The following COL23A1 variants were observed in gnomAD, a reference collection of about 807,000 sequenced individuals.
COL23A1 encodes the protein collagen alpha-1(XXIII) chain.
Under a neutral mutation model 99.3 loss-of-function variants are expected in COL23A1, and 97 were observed. The observed-to-expected ratio is 0.98, with a 90% confidence interval of 0.83 to 1.16. The LOEUF (loss-of-function observed/expected upper bound fraction) is 1.16, where lower values mean the gene tolerates loss of function less well. Among genes scored for constraint, COL23A1 ranks in the 50% most tolerant of loss-of-function variants. The pLI is 0.00. For synonymous variants in COL23A1, 320 were observed against 308.2 expected, an observed-to-expected ratio of 1.04 and a Z score of -0.40; for missense variants, 762 against 757.4, an observed-to-expected ratio of 1.01 and a Z score of -0.07.
Position 178,281,101 on chromosome 5 carries a change from G to A in COL23A1, c.441+7223C>T, listed in dbSNP as rs1054874692. On this transcript the variant is annotated intron_variant, in intron 5 of 28. Transcript: ENST00000390654. The surrounding 1 kb of genome is among the most constrained non-coding windows in gnomAD (Gnocchi z 4.0). ...CTGCGTGCCATTATCAGGGACTCCG[G>A]AGTCGGCTTTCATCCGGTCTCAGCT... Among the ~76,000 whole-genome samples the A allele has an allele frequency of 1.6e-4, 25 of 152,194 alleles. No homozygotes were observed. Among genetic ancestry groups the A allele is most frequent in the African/African-American group, 5.8e-4 (24 of 41,436 alleles).
rs529415550 is a variant in COL23A1 at position 178,435,009 on chromosome 5, G to C, written c.361+125673C>G. On this transcript the variant is annotated intron_variant, in intron 2 of 28. Coordinates refer to ENST00000390654, the MANE Select transcript of COL23A1 (RefSeq NM_173465.4). ...GGCACCCGTCCAGCACCGCTCGCTC[G>C]ATTTCCAGCCAGCACCGGATGCAGG... is the stretch of plus-strand genomic sequence containing the variant. Among the ~76,000 whole-genome samples the C allele has an allele frequency of 2.6e-5, 4 of 152,334 alleles. No individual in the cohort carries two copies. In the South Asian group the frequency reaches 6.2e-4, roughly 24 times the overall value.
At chr5:178,341,379 C>T (rs1259125980) in intron 2 of COL23A1, among the ~76,000 whole-genome samples, 1 of 152,190 alleles carries the variant, frequency 6.6e-6, no homozygotes, top group Non-Finnish European at 1.5e-5. Context: ...TGAGTTGAGG[C>T]CTCCCATGCA....
intron 2 of COL23A1, among the ~76,000 whole-genome samples, chr5:178,353,618 C>T (rs375963681): frequency 7.2e-5 from 11 of 152,142 alleles, no homozygotes; most frequent in African/African-American, 1.2e-4. Context: ...TTCCCTGGGA[C>T]GCAGCTTCTC....
At chr5:178,323,870 G>A (rs1430155395) in intron 2 of COL23A1, among the ~76,000 whole-genome samples, 1 of 152,200 alleles carries the variant, frequency 6.6e-6, no homozygotes, top group Non-Finnish European at 1.5e-5. Flanking sequence ...TGCAGATGAA[G>A]CAAAAGAGGC....
intron 2 of COL23A1, among the ~76,000 whole-genome samples, chr5:178,337,545 G>A (rs986239511): frequency 6.6e-6 from 1 of 152,202 alleles, no homozygotes; most frequent in Non-Finnish European, 1.5e-5. Flanking sequence ...ACGGAGTGGG[G>A]TGCAGGGTTA....
chr5:178,278,817 G>T (rs908958936), intron 5 of COL23A1, among the ~76,000 whole-genome samples: 3 of 152,202 alleles, frequency 2.0e-5, no homozygotes, highest in Non-Finnish European at 4.4e-5. Context: ...TGAGTGTGTT[G>T]CGGATGGAAT....
chr5:178,418,055 C>A (rs1028078019), intron 2 of COL23A1, among the ~76,000 whole-genome samples: 3 of 152,226 alleles, frequency 2.0e-5, no homozygotes, highest in African/African-American at 7.2e-5. Flanking sequence ...GTGGAGGACC[C>A]AGTGTCTGGA....
chr5:178,251,904 C>CTTTCCTTTTTTTTTTTTT (rs1765049397), intron 17 of COL23A1, among the ~76,000 whole-genome samples: 1 of 111,132 alleles, frequency 9.0e-6, no homozygotes, highest in African/African-American at 3.2e-5. Flanking sequence ...CTTTCATTTT[C>CTTTCCTTTTTTTTTTTTT]TTTTCTTTTT....
At chr5:178,398,396 G>A (rs558896503) in intron 2 of COL23A1, among the ~76,000 whole-genome samples, 3 of 152,194 alleles carry the variant, frequency 2.0e-5, no homozygotes, top group East Asian at 1.9e-4. Flanking sequence ...AGAGGCCGAC[G>A]CAGGCGGATC....
chr5:178,317,028 A>C (rs1279205893), intron 2 of COL23A1, among the ~76,000 whole-genome samples: 1 of 152,160 alleles, frequency 6.6e-6, no homozygotes, highest in Non-Finnish European at 1.5e-5. Context: ...TTATTAAAAA[A>C]CTCAGACTAA....
In COL23A1 at chr5:178,246,399, C is replaced by T. The variant is rs201369396; in HGVS notation, c.1351G>A (p.Gly451Ser). ...KGASGERGPS[G>S]LPGPVGPPGL... ...ACGCTTGTGAGACTCACAGGCAGGC[C>T]GCTGGGGCCTCTCTCACCCGACGCA... Residue 451 changes from glycine to serine, a missense_variant, in exon 23 of 29, where the codon GGC (glycine) becomes AGC (serine). Physicochemically the swap from Gly to Ser is moderately conservative, Grantham distance 56. Transcript: ENST00000390654. The T allele has an allele frequency of 1.2e-4, 192 of 1,579,364 alleles. No individual in the cohort carries two copies. The Middle Eastern group carries it at 7.3e-3, about 60-fold the overall frequency.
intron 2 of COL23A1, among the ~76,000 whole-genome samples, chr5:178,334,587 G>T (rs1414082367): frequency 1.3e-5 from 2 of 152,194 alleles, no homozygotes; most frequent in Non-Finnish European, 2.9e-5. Context: ...GGCACCCATG[G>T]TTTGATTTCC....
intron 1 of COL23A1, among the ~76,000 whole-genome samples, chr5:178,571,128 G>A (rs897619497): frequency 2.6e-5 from 4 of 152,132 alleles, no homozygotes; most frequent in African/African-American, 7.2e-5. Flanking sequence ...TTGGGAGGCC[G>A]AGGCAGGAGG....
Position 178,256,288 on chromosome 5 carries a change from G to A in COL23A1, c.882+65C>T, listed in dbSNP as rs181175170. ...CTCTGGGGTCTCTGTGGGGACAGGG[G>A]CTTCTGAAGCTATGGGGCCCCTAGA... On this transcript the variant is annotated intron_variant, in intron 15 of 28. Coordinates refer to ENST00000390654, the MANE Select transcript of COL23A1 (RefSeq NM_173465.4). 928 of 1,227,930 alleles carry A rather than the reference G, an allele frequency of 7.6e-4. 5 individuals are homozygous for A. In the African/African-American group the frequency reaches 0.013, roughly 17 times the overall value. The allele number at this position is 1,227,930 out of a possible 1,614,324, so 76.1% of individuals were successfully genotyped here.
At chr5:178,562,297 C>T (rs1436174599) in intron 1 of COL23A1, 4 of 274,692 alleles carry the variant, frequency 1.5e-5, no homozygotes, top group South Asian at 3.4e-5. Flanking sequence ...CACAGTGGCT[C>T]GCTCACTCAT....
intron 2 of COL23A1, among the ~76,000 whole-genome samples, chr5:178,531,156 C>T (rs12109831): frequency 0.036 from 5,524 of 152,248 alleles, 108 homozygotes; most frequent in Middle Eastern, 0.078. Flanking sequence ...TGTGAGCCAC[C>T]GTGCCTGGCT....
At position 178,247,308 on chromosome 5, in the gene COL23A1, A is replaced by C. The variant is rs534979332; in HGVS notation, c.1296+218T>G. On this transcript the variant is annotated intron_variant, in intron 22 of 28. Transcript: ENST00000390654. Reference sequence around the variant, plus strand: ...GACTGGGGTCCCGGGCAGAGGGAGAAAGTGGGAGAGGAGAGCCTCAAGGGT... The same window carrying C: ...GACTGGGGTCCCGGGCAGAGGGAGACAGTGGGAGAGGAGAGCCTCAAGGGT... 5.9e-5 allele frequency among the ~76,000 whole-genome samples: 9 copies of C among 152,066 alleles called. No individual in the cohort carries two copies. In the South Asian group the frequency reaches 1.7e-3, roughly 28 times the overall value.
chr5:178,484,920 CG>C (rs889999684), intron 2 of COL23A1, among the ~76,000 whole-genome samples: 1 of 151,540 alleles, frequency 6.6e-6, no homozygotes, highest in Non-Finnish European at 1.5e-5. Context: ...TCCAGCATAT[CG>C]GAAGTGTCCC....
chr5:178,287,988 C>T (rs1253856521), intron 5 of COL23A1, among the ~76,000 whole-genome samples: 2 of 152,198 alleles, frequency 1.3e-5, no homozygotes, highest in African/African-American at 4.8e-5. Context: ...AGTCCTCTGC[C>T]CACTGGGAAG....
Sources: allele counts gnomAD v4.1 joint callset (sites outside exome capture counted in the v4.1 genomes callset), GRCh38; gene constraint gnomAD v4.1.1; non-coding constraint Gnocchi (gnomAD v3.1); transcripts MANE v1.5; gene names NCBI Gene and HGNC (gene_info 2026-07-23, HGNC 2026-07-21).